MOSMO: variants seen among roughly 807,000 people sequenced by gnomAD.
MOSMO encodes modulator of smoothened.
MOSMO carries 5 observed loss-of-function variants against 18.4 expected under a neutral mutation model. That is an observed-to-expected ratio of 0.27 (90% confidence interval 0.14 to 0.57). The LOEUF is 0.57. MOSMO is among the 20% of genes least tolerant of loss of function. MOSMO has a pLI of 0.92. For synonymous variants in MOSMO, 82 were observed against 82.3 expected (o/e 1.00, Z 0.02); for missense variants, 138 against 211.8 (o/e 0.65, Z 2.16).
In MOSMO at chr16:22,059,573, T is replaced by G. The variant is rs146161303; in HGVS notation, c.107-15914T>G. ...CATGGCTGGGAAGGTCTCAGGAAACTTATAATCATGGCAGAAGGTGAAGGG... is the reference window on the plus strand; with the variant it reads ...CATGGCTGGGAAGGTCTCAGGAAACGTATAATCATGGCAGAAGGTGAAGGG... On this transcript the variant is annotated intron_variant, in intron 1 of 2. Transcript: ENST00000542527. Among the ~76,000 whole-genome samples the G allele has an allele frequency of 2.0e-5, 3 of 152,294 alleles. No homozygotes were observed. In the East Asian group the frequency reaches 5.8e-4, roughly 29 times the overall value.
chr16:22,069,118 C>G (rs1486223585), intron 1 of MOSMO, among the ~76,000 whole-genome samples: 1 of 152,140 alleles, frequency 6.6e-6, no homozygotes, highest in South Asian at 2.1e-4. Flanking sequence ...AGGACAAGCA[C>G]TCAACTCAGG....
chr16:22,060,512 G>C (rs1229504942), intron 1 of MOSMO, among the ~76,000 whole-genome samples: 1 of 152,202 alleles, frequency 6.6e-6, no homozygotes, highest in Non-Finnish European at 1.5e-5. Context: ...TAGAAAGATT[G>C]AAAATACAAA....
intron 1 of MOSMO, among the ~76,000 whole-genome samples, chr16:22,062,733 TTC>T (rs975702404): frequency 2.0e-5 from 3 of 152,342 alleles, no homozygotes; most frequent in East Asian, 3.9e-4. Context: ...TCTGTATACA[TTC>T]TCTCTCTTAA....
chr16:22,062,176 T>G (rs936690465), intron 1 of MOSMO, among the ~76,000 whole-genome samples: 12 of 152,076 alleles, frequency 7.9e-5, no homozygotes, highest in Admixed American at 3.3e-4. Context: ...GAATTCATGA[T>G]TTTTCTTCTA....
chr16:22,053,176 A>C (rs1010530786), intron 1 of MOSMO, among the ~76,000 whole-genome samples: 1 of 149,464 alleles, frequency 6.7e-6, no homozygotes, highest in Admixed American at 6.7e-5. Context: ...TTGGTCTGGC[A>C]TGTCTCCAAC....
chr16:22,026,215 C>CTTTTTT (rs1230886620), intron 1 of MOSMO, among the ~76,000 whole-genome samples: 2 of 122,150 alleles, frequency 1.6e-5, no homozygotes, highest in South Asian at 2.6e-4. Context: ...GAATTGCATT[C>CTTTTTT]TTTTTTTTTT....
At chr16:22,089,534 G>A (rs1901252096), downstream of MOSMO, among the ~76,000 whole-genome samples, 2 of 152,084 alleles carry the variant, frequency 1.3e-5, no homozygotes. Context: ...CCCTTCTACT[G>A]GACTGGTAGG....
At chr16:22,068,000 C>T (rs1005655501) in intron 1 of MOSMO, among the ~76,000 whole-genome samples, 24 of 151,882 alleles carry the variant, frequency 1.6e-4, no homozygotes, top group African/African-American at 5.8e-4. Context: ...GGAGACAATT[C>T]ATCACAAGTA....
intron 1 of MOSMO, among the ~76,000 whole-genome samples, chr16:22,035,450 G>T (rs1380345934): frequency 1.0e-4 from 15 of 149,040 alleles, no homozygotes; most frequent in Admixed American, 1.0e-3. Flanking sequence ...GGCTCCTAGA[G>T]ATAAAATGCA....
chr16:22,075,083 A>G (rs1325157746), intron 1 of MOSMO, among the ~76,000 whole-genome samples: 2 of 152,212 alleles, frequency 1.3e-5, no homozygotes, highest in Admixed American at 6.5e-5. Context: ...GAAGTCATAT[A>G]CAATGAGTCT....
At chr16:22,075,996 A>T in intron 2 of MOSMO, 1 of 304,872 alleles carries the variant, frequency 3.3e-6, no homozygotes, top group South Asian at 3.6e-5. Context: ...CAGTAGCCTG[A>T]GTCTTTTCCT....
intron 1 of MOSMO, among the ~76,000 whole-genome samples, chr16:22,021,757 C>T (rs1401292756): frequency 6.6e-6 from 1 of 151,852 alleles, no homozygotes; most frequent in East Asian, 1.9e-4. Flanking sequence ...GAGACTGGAC[C>T]ACTGCACTCC....
chr16:22,017,882 A>C (rs987707110), intron 1 of MOSMO, among the ~76,000 whole-genome samples: 4 of 151,336 alleles, frequency 2.6e-5, no homozygotes, highest in Non-Finnish European at 4.4e-5. Flanking sequence ...TAGAGTTGAC[A>C]AAAAAAAAGA....
chr16:22,026,563 A>G (rs1899880954), intron 1 of MOSMO, among the ~76,000 whole-genome samples: 1 of 152,082 alleles, frequency 6.6e-6, no homozygotes, highest in South Asian at 2.1e-4. Context: ...GTAATTTAGG[A>G]TGTCTTATAG....
chr16:22,020,059 C>CA (rs1220052107), intron 1 of MOSMO, among the ~76,000 whole-genome samples: 5 of 151,306 alleles, frequency 3.3e-5, no homozygotes, highest in Non-Finnish European at 7.4e-5. Context: ...ACTAAAAATA[C>CA]AAAATTAGCC....
chr16:22,024,016 T>TATATATATATATATATA (rs57968547), intron 1 of MOSMO, among the ~76,000 whole-genome samples: 10 of 145,612 alleles, frequency 6.9e-5, no homozygotes, highest in South Asian at 2.3e-4. Context: ...TATATATATA[T>TATATATATATATATATA]TTTCTTAAGA....
chr16:22,015,055 A>G (rs1899610102), intron 1 of MOSMO, among the ~76,000 whole-genome samples: 1 of 152,194 alleles, frequency 6.6e-6, no homozygotes, highest in African/African-American at 2.4e-5. Context: ...TACCATCACC[A>G]TAGTCCATTT....
intron 1 of MOSMO, among the ~76,000 whole-genome samples, chr16:22,029,459 G>A (rs1450246719): frequency 6.6e-6 from 1 of 152,102 alleles, no homozygotes; most frequent in Admixed American, 6.5e-5. Context: ...GAATTCACCA[G>A]TTTTAAAGCT....
downstream of MOSMO, chr16:22,085,778 TAGAA>T (rs1001475750): frequency 1.3e-5 from 2 of 152,144 alleles, no homozygotes; most frequent in African/African-American, 4.8e-5. Flanking sequence ...GTATTAAAGA[TAGAA>T]AGCACAATGT....
Sources: gnomAD v4.1 joint callset for allele counts (sites outside exome capture counted in the v4.1 genomes callset) on GRCh38, gnomAD v4.1.1 for gene constraint, MANE v1.5 for transcripts, NCBI Gene and HGNC (gene_info 2026-07-23, HGNC 2026-07-21) for gene names.